The following RAB2A variants were observed in gnomAD, a reference collection of about 807,000 sequenced individuals.
RAB2A encodes ras-related protein Rab-2A.
RAB2A carries 7 observed loss-of-function variants against 32.5 expected under a neutral mutation model. The observed-to-expected ratio is 0.22, with a 90% CI of 0.12 to 0.40. The LOEUF (loss-of-function observed/expected upper bound fraction) is 0.40. Among genes scored for constraint, RAB2A ranks in the 10% least tolerant of loss-of-function variants. The pLI, the probability that RAB2A is intolerant of heterozygous loss-of-function variation, is 1.00. For missense variants in RAB2A, 108 were observed against 260.7 expected (o/e 0.41, Z 4.03); for synonymous variants, 79 against 85.2 (o/e 0.93, Z 0.40).
intron 3 of RAB2A, 112 bp from the exon 4 acceptor site, chr8:60,584,096 G>T (rs1803809604): frequency 1.2e-6 from 1 of 838,172 alleles, no homozygotes; most frequent in South Asian, 1.5e-5. Context: ...AAGTTTTCTT[G>T]TCTCTCTTTA....
At chr8:60,531,205 G>A (rs1807471532) in intron 1 of RAB2A, among the ~76,000 whole-genome samples, 1 of 152,190 alleles carries the variant, frequency 6.6e-6, no homozygotes, top group African/African-American at 2.4e-5. Flanking sequence ...ATTGATGGAT[G>A]ACCCTTTTGC....
At chr8:60,558,415 C>A in intron 1 of RAB2A, 1 of 508,654 alleles carries the variant, frequency 2.0e-6, no homozygotes, top group Non-Finnish European at 3.9e-6. Context: ...GGAGCTTTTC[C>A]CAGAAAAGTA....
chr8:60,585,533 AG>A (rs1803833366), intron 5 of RAB2A, among the ~76,000 whole-genome samples: 1 of 152,062 alleles, frequency 6.6e-6, no homozygotes, highest in African/African-American at 2.4e-5. Context: ...GGCTGGTCTC[AG>A]GCTCCTAACC....
At chr8:60,544,729 G>T (rs1807701867) in intron 1 of RAB2A, among the ~76,000 whole-genome samples, 1 of 151,968 alleles carries the variant, frequency 6.6e-6, no homozygotes, top group South Asian at 2.1e-4. Context: ...TGGAAGTGGA[G>T]CTCAGTCTCC....
At chr8:60,618,112 T>C (rs1009063760) in intron 6 of RAB2A, among the ~76,000 whole-genome samples, 6 of 152,254 alleles carry the variant, frequency 3.9e-5, no homozygotes, top group Non-Finnish European at 8.8e-5. Flanking sequence ...ATTTTGTTTT[T>C]TATTGACTGA....
intron 3 of RAB2A, among the ~76,000 whole-genome samples, chr8:60,573,614 A>G (rs7357376): frequency 0.24 from 36,039 of 152,106 alleles, 4,334 homozygotes; most frequent in Middle Eastern, 0.39. Flanking sequence ...GATTTCCCAC[A>G]TGAGCCTAAA....
intron 1 of RAB2A, among the ~76,000 whole-genome samples, chr8:60,530,761 A>T (rs967286721): frequency 1.1e-4 from 17 of 152,152 alleles, no homozygotes; most frequent in African/African-American, 4.1e-4. Flanking sequence ...ACCCTGGTTC[A>T]GTCATATAGA....
chr8:60,603,849 T>A (rs1804178514), intron 6 of RAB2A, among the ~76,000 whole-genome samples: 1 of 152,060 alleles, frequency 6.6e-6, no homozygotes, highest in Non-Finnish European at 1.5e-5. Context: ...AGCAAGACCC[T>A]GTCTCTATTT....
chr8:60,578,128 A>G (rs1389591485), intron 3 of RAB2A, among the ~76,000 whole-genome samples: 2 of 152,214 alleles, frequency 1.3e-5, no homozygotes, highest in Non-Finnish European at 2.9e-5. Context: ...TTACTGTAAT[A>G]CTGATTCTCA....
intron 1 of RAB2A, among the ~76,000 whole-genome samples, chr8:60,527,558 G>T (rs1007956238): frequency 1.3e-4 from 20 of 151,896 alleles, no homozygotes; most frequent in African/African-American, 4.8e-4. Context: ...TAGCATGTGG[G>T]GATTACAATT....
chr8:60,597,951 TATCCAAAA>T (rs750972804), intron 6 of RAB2A, among the ~76,000 whole-genome samples: 6 of 152,312 alleles, frequency 3.9e-5, no homozygotes, highest in Non-Finnish European at 5.9e-5. Flanking sequence ...TAGACCAGTT[TATCCAAAA>T]ACACAAATTG....
In RAB2A at chr8:60,579,906, C is replaced by T. The variant is rs901238410; in HGVS notation, c.187-4302C>T. On this transcript the variant is annotated intron_variant, in intron 3 of 7. Transcript: ENST00000262646. ...CCTCCCAAAGTGCTGGGATTACAGG[C>T]GTGAGCCACCGCGCCTGGCCCTAGG... 4.6e-5 allele frequency among the ~76,000 whole-genome samples: 7 copies of T among 152,064 alleles called. 1 individual carries two copies. Among genetic ancestry groups the T allele is most frequent in the South Asian group, 4.2e-4 (2 of 4,814 alleles).
At chr8:60,578,667 G>C (rs1228365032) in intron 3 of RAB2A, among the ~76,000 whole-genome samples, 1 of 152,170 alleles carries the variant, frequency 6.6e-6, no homozygotes, top group African/African-American at 2.4e-5. Flanking sequence ...TTGAACTACA[G>C]CTTAATATGT....
intron 5 of RAB2A, among the ~76,000 whole-genome samples, chr8:60,590,689 G>C (rs1448650832): frequency 1.3e-5 from 2 of 150,662 alleles, no homozygotes; most frequent in African/African-American, 2.4e-5. Context: ...AAGTTGTATT[G>C]CATTCATTCA....
intron 1 of RAB2A, among the ~76,000 whole-genome samples, chr8:60,522,880 G>T (rs1027064611): frequency 1.3e-5 from 2 of 151,998 alleles, no homozygotes; most frequent in Admixed American, 1.3e-4. Flanking sequence ...ATATTCAGCA[G>T]CCCAACCCCT....
chr8:60,529,182 A>G (rs1344946175), intron 1 of RAB2A, among the ~76,000 whole-genome samples: 5 of 151,942 alleles, frequency 3.3e-5, no homozygotes, highest in African/African-American at 1.2e-4. Context: ...GGCTATATGT[A>G]CTGATTCTTC....
chr8:60,563,108 G>A lies in RAB2A; in HGVS notation c.118+4185G>A, dbSNP rs186898590. Among the ~76,000 whole-genome samples the A allele has an allele frequency of 3.9e-5, 6 of 152,218 alleles. No homozygotes were observed. In the East Asian group the frequency reaches 1.2e-3, roughly 29 times the overall value. On this transcript the variant is annotated intron_variant, in intron 2 of 7. Coordinates refer to ENST00000262646, the MANE Select transcript of RAB2A (RefSeq NM_002865.3). The stretch of plus-strand genomic sequence containing the variant: ...AGTAAGACAGTATCTTGACTCTGCT[G>A]CATACTTGCTTTTGCTGGATGACTA...
chr8:60,583,341 A>G (rs1803793737), intron 3 of RAB2A, among the ~76,000 whole-genome samples: 2 of 152,210 alleles, frequency 1.3e-5, no homozygotes, highest in African/African-American at 4.8e-5. Context: ...ACTTCTTATA[A>G]GAGCTGTCTC....
At chr8:60,608,675 A>G (rs1804285095) in intron 6 of RAB2A, among the ~76,000 whole-genome samples, 2 of 144,550 alleles carry the variant, frequency 1.4e-5, no homozygotes, top group Non-Finnish European at 3.0e-5. Flanking sequence ...ACTTTGAGAT[A>G]TCACCTAAGT....
Sources: allele counts gnomAD v4.1 joint callset (sites outside exome capture counted in the v4.1 genomes callset), GRCh38; gene constraint gnomAD v4.1.1; transcripts MANE v1.5; gene names NCBI Gene and HGNC (gene_info 2026-07-23, HGNC 2026-07-21).